Variants in SLC35D2 observed in about 807,000 individuals in gnomAD.
SLC35D2 encodes nucleotide sugar transporter SLC35D2.
A neutral mutation model predicts 41.8 loss-of-function variants in SLC35D2; 43 were observed. That is an observed-to-expected ratio of 1.03 (90% CI 0.81 to 1.33). The LOEUF is 1.33. SLC35D2 is among the 40% of genes most tolerant of loss of function. SLC35D2 has a pLI of 0.00. For missense variants in SLC35D2, 380 were observed against 408.4 expected (o/e 0.93, Z 0.60); for synonymous variants, 150 against 163.9 (o/e 0.92, Z 0.65).
downstream of SLC35D2, among the ~76,000 whole-genome samples, chr9:96,316,832 T>C (rs12685240): frequency 2.6e-3 from 88 of 33,478 alleles, 1 homozygote; most frequent in African/African-American, 0.012. Flanking sequence ...AGATATACTT[T>C]ATATATATAT....
intron 8 of SLC35D2, among the ~76,000 whole-genome samples, chr9:96,337,981 C>CA (rs67714645): frequency 0.019 from 632 of 33,582 alleles, 3 homozygotes; most frequent in South Asian, 0.024. Flanking sequence ...AACTCCACCT[C>CA]AAAAAAAAAA....
At chr9:96,373,282 AAC>A (rs1445486901) in intron 1 of SLC35D2, among the ~76,000 whole-genome samples, 1 of 152,228 alleles carries the variant, frequency 6.6e-6, no homozygotes, top group African/African-American at 2.4e-5. Flanking sequence ...CCTATAGTTC[AAC>A]AATGTGTAGC....
intron 2 of SLC35D2, among the ~76,000 whole-genome samples, chr9:96,366,395 T>TA (rs1830475517): frequency 1.3e-5 from 2 of 151,916 alleles, no homozygotes; most frequent in Non-Finnish European, 2.9e-5. Flanking sequence ...AAATTAGATC[T>TA]AACTGGCCTC....
intron 4 of SLC35D2, among the ~76,000 whole-genome samples, chr9:96,354,766 C>CAAAAAAAAAAAAAA (rs59013884): frequency 2.1e-5 from 1 of 46,744 alleles, no homozygotes; most frequent in African/African-American, 5.9e-5. Context: ...GACTCCATCT[C>CAAAAAAAAAAAAAA]AAAAAAAAAA....
intron 8 of SLC35D2, among the ~76,000 whole-genome samples, chr9:96,337,981 CAA>C (rs67714645): frequency 5.9e-4 from 20 of 33,896 alleles, no homozygotes; most frequent in African/African-American, 1.6e-3. Context: ...AACTCCACCT[CAA>C]AAAAAAAAAA....
Position 96,322,030 on chromosome 9 carries a change from G to A in SLC35D2, c.882C>T (p.Phe294=). The A allele has an allele frequency of 6.2e-7, 1 of 1,607,026 alleles. No individual in the cohort carries two copies. Among genetic ancestry groups the A allele is most frequent in the Non-Finnish European group, 8.5e-7 (1 of 1,174,372 alleles). ...IGILIGGDYI[F]SLLNFVGLNI... is the part of the protein sequence containing the mutation. ...TTAACCCTACAAAGTTTAACAAAGAGAAAATGTAGTCTCCACCGATTAATA... is the reference window on the plus strand; with the variant it reads ...TTAACCCTACAAAGTTTAACAAAGAAAAAATGTAGTCTCCACCGATTAATA... Residue 294 remains phenylalanine (F), a synonymous_variant, in exon 11 of 12, where the codon TTC becomes TTT. Coordinates refer to ENST00000253270, the MANE Select transcript of SLC35D2 (RefSeq NM_007001.3).
chr9:96,324,559 T>TTTTTTTTTTTTTTTTTTTTTTTTTG, intron 9 of SLC35D2, among the ~76,000 whole-genome samples: 1 of 148,178 alleles, frequency 6.7e-6, no homozygotes, highest in Non-Finnish European at 1.5e-5. Context: ...CTTTTTTTTT[T>TTTTTTTTTTTTTTTTTTTTTTTTTG]TTTTTTTGGT....
chr9:96,377,959 G>C lies in SLC35D2; in HGVS notation c.158+5518C>G, dbSNP rs766243538. On this transcript the variant is annotated intron_variant, in intron 1 of 11. Transcript: ENST00000253270. ...AGGCAAAGATCCAGCTCCATCAAGG[G>C]GGGTGAAGGAAGCAACATCTTCGGG... Among the ~76,000 whole-genome samples, 10 of 152,294 alleles carry C rather than the reference G, an allele frequency of 6.6e-5. No homozygotes were observed. In the East Asian group the frequency reaches 9.6e-4, roughly 15 times the overall value.
At chr9:96,344,842 A>C (rs936980876) in intron 7 of SLC35D2, among the ~76,000 whole-genome samples, 3 of 152,060 alleles carry the variant, frequency 2.0e-5, no homozygotes, top group African/African-American at 7.2e-5. Context: ...AAGACCTTAC[A>C]AATTATCCAT....
rs757849964 is a variant in SLC35D2, at chr9:96,352,085, C to T, written c.372G>A (p.Arg124=). 4 of 1,612,564 alleles carry T rather than the reference C, an allele frequency of 2.5e-6. No homozygotes were observed. In the South Asian group the frequency reaches 3.3e-5, roughly 13 times the overall value. The stretch of plus-strand genomic sequence containing the variant: ...GTAAGGTAAGTGGAATGGTGAATTT[C>T]CTGAGCACGGTGAACATCGGTAGGC... ...KLSLPMFTVL[R]KFTIPLTLLL... is the part of the protein sequence containing the mutation. Residue 124 remains arginine, a synonymous_variant, in exon 5 of 12, where the codon AGG becomes AGA. Transcript: ENST00000253270.
At chr9:96,322,717 G>GTTTTTTTTTT (rs57493593) in intron 10 of SLC35D2, among the ~76,000 whole-genome samples, 13 of 111,426 alleles carry the variant, frequency 1.2e-4, no homozygotes, top group Non-Finnish European at 1.7e-4. Context: ...GTTTTCTGGG[G>GTTTTTTTTTT]TTTTTTTTTT....
At chr9:96,332,463 T>A (rs1173165230) in intron 9 of SLC35D2, among the ~76,000 whole-genome samples, 2 of 152,148 alleles carry the variant, frequency 1.3e-5, no homozygotes, top group Non-Finnish European at 2.9e-5. Context: ...AGTTTCAGAC[T>A]TAAAACTTTA....
chr9:96,317,492 T>A (rs552703058), downstream of SLC35D2, among the ~76,000 whole-genome samples: 8 of 152,248 alleles, frequency 5.3e-5, no homozygotes, highest in African/African-American at 1.7e-4. Context: ...CAGCAAACAT[T>A]TCAACTTTCA....
intron 4 of SLC35D2, among the ~76,000 whole-genome samples, chr9:96,358,108 A>ATATATATATATATATATATATATAT (rs1830117020): frequency 7.0e-6 from 1 of 143,148 alleles, no homozygotes; most frequent in Non-Finnish European, 1.5e-5. Context: ...ATATATATAT[A>ATATATATATATATATATATATATAT]CCTGCAATGG....
chr9:96,383,211 G>T (rs925621574), intron 1 of SLC35D2, among the ~76,000 whole-genome samples: 8 of 152,186 alleles, frequency 5.3e-5, no homozygotes, highest in Admixed American at 3.9e-4. Flanking sequence ...GAAAGAATCT[G>T]TCTGAGCTCT....
intron 8 of SLC35D2, 84 bp from the exon 9 acceptor site, chr9:96,336,868 T>C: frequency 1.3e-6 from 1 of 786,822 alleles, no homozygotes. Flanking sequence ...TGCATTTTGA[T>C]ACAGGAACCA....
intron 9 of SLC35D2, among the ~76,000 whole-genome samples, chr9:96,331,128 C>T (rs1416072409): frequency 1.3e-5 from 2 of 152,152 alleles, no homozygotes; most frequent in South Asian, 4.1e-4. Context: ...GAACGCCTGA[C>T]CTCAAGTGAT....
downstream of SLC35D2, among the ~76,000 whole-genome samples, chr9:96,316,992 G>A (rs942068186): frequency 2.2e-4 from 34 of 152,156 alleles, no homozygotes; most frequent in Admixed American, 4.6e-4. Context: ...CAAAAAACTA[G>A]CCGGGTGTAG....
At chr9:96,371,474 CAA>C (rs539576375) in intron 1 of SLC35D2, among the ~76,000 whole-genome samples, 47 of 46,630 alleles carry the variant, frequency 1.0e-3, no homozygotes, top group South Asian at 2.9e-3. Context: ...GACTCTGTCT[CAA>C]AAAAAAAAAA....
Sources: gnomAD v4.1 joint callset for allele counts (sites outside exome capture counted in the v4.1 genomes callset) on GRCh38, gnomAD v4.1.1 for gene constraint, MANE v1.5 for transcripts, NCBI Gene and HGNC (gene_info 2026-07-23, HGNC 2026-07-21) for gene names.